The following MT1F variants were observed in gnomAD, a reference collection of about 807,000 sequenced individuals.
MT1F encodes the protein metallothionein-1F.
In MT1F, 6 loss-of-function variants were observed where a neutral mutation model predicts 5.4. The ratio of observed to expected loss-of-function variants is 1.11; its 90% CI spans 0.61 to 2.19. The LOEUF (loss-of-function observed/expected upper bound fraction) is 2.19, where lower values mean the gene tolerates loss of function less well. MT1F is among the 30% of genes most tolerant of loss of function. The pLI is 0.00. For missense variants in MT1F, 82 were observed against 77.0 expected (o/e 1.07, Z -0.24); for synonymous variants, 28 against 28.3 (o/e 0.99, Z 0.04).
chr16:56,658,644 G>A (rs774921781), intron 1 of MT1F, 31 bp from the exon 2 acceptor site: 23 of 1,613,010 alleles, frequency 1.4e-5, no homozygotes, highest in South Asian at 4.4e-5. Context: ...GTCACTCGCC[G>A]CTCACTGGCT....
In MT1F at chr16:56,658,079, C is replaced by A. The variant is rs1216814062; in HGVS notation, c.21C>A (p.Cys7Ter). MDPNCS[C>*]AAGVSCTCAG... ...TTGCAATGGACCCCAACTGCTCCTG[C>A]GCCGCTGGTAAGGAACGCCGGGTTC... is the stretch of plus-strand genomic sequence containing the variant. The change falls in exon 1 of 3, where the codon TGC (cysteine) becomes TGA (stop). Residue 7 changes from cysteine (C) to a stop codon, truncating the protein, a stop_gained. Transcript: ENST00000334350. LOFTEE classifies it high-confidence loss of function. 1.2e-6 allele frequency: 2 copies of A among 1,614,130 alleles called. No individual in the cohort carries two copies. Among genetic ancestry groups the A allele is most frequent in the South Asian group, 1.1e-5 (1 of 91,088 alleles).
rs1180153888 is a variant in MT1F, at chr16:56,658,095, C to T, written c.28+9C>T. On this transcript the variant is annotated intron_variant, in intron 1 of 2. Transcript: ENST00000334350. ...CTGCTCCTGCGCCGCTGGTAAGGAA[C>T]GCCGGGTTCCGTGCCTGGGGATGCT... The T allele has an allele frequency of 1.2e-6, 2 of 1,614,036 alleles. No individual in the cohort carries two copies. The highest frequency in any genetic ancestry group is 2.7e-5 in the African/African-American group (2 of 75,044).
At position 56,658,090 on chromosome 16, in the gene MT1F, A is replaced by G; in HGVS notation, c.28+4A>G. 2.5e-6 allele frequency: 4 copies of G among 1,614,080 alleles called. No homozygotes were observed. The highest frequency in any genetic ancestry group is 3.4e-6 in the Non-Finnish European group (4 of 1,179,958). On this transcript the variant is annotated splice_donor_region_variant and intron_variant, in intron 1 of 2. Transcript: ENST00000334350. Reference sequence around the variant, plus strand: ...CCCAACTGCTCCTGCGCCGCTGGTAAGGAACGCCGGGTTCCGTGCCTGGGG... The same window carrying G: ...CCCAACTGCTCCTGCGCCGCTGGTAGGGAACGCCGGGTTCCGTGCCTGGGG...
At position 56,658,661 on chromosome 16, in the gene MT1F, T is replaced by C. The variant is rs767868010; in HGVS notation, c.29-14T>C. The C allele has an allele frequency of 2.5e-6, 4 of 1,613,996 alleles. No homozygotes were observed. In the African/African-American group the frequency reaches 4.0e-5, roughly 16 times the overall value. On this transcript the variant is annotated splice_polypyrimidine_tract_variant and intron_variant, in intron 1 of 2. Transcript: ENST00000334350. ...CACTCGCCGCTCACTGGCTTTTTTT[T>C]CTCTTTCTCGCAGGTGTCTCCTGCA...
rs1255840005 is a variant in MT1F, at chr16:56,657,989, C to G, written c.-70C>G. 6.5e-7 allele frequency: 1 copy of G among 1,545,188 alleles called. No homozygotes were observed. Among genetic ancestry groups the G allele is most frequent in the African/African-American group, 1.4e-5 (1 of 73,194 alleles). ...AGCAGCGGCCGGCTGTTGGGGTCCA[C>G]CACGCCTTCCACCTGCCCCACTGCT... On this transcript the variant is annotated 5_prime_UTR_variant, in exon 1 of 3. Coordinates refer to ENST00000334350, the MANE Select transcript of MT1F (RefSeq NM_005949.4).
At chr16:56,658,252 C>A in intron 1 of MT1F, 166 bp downstream of exon 1, 1 of 713,800 alleles carries the variant, frequency 1.4e-6, no homozygotes, top group Non-Finnish European at 2.4e-6. Context: ...TTTCCTTCCT[C>A]TCTGTGCCTC....
intron 1 of MT1F, 120 bp downstream of exon 1, chr16:56,658,206 T>C (rs1960645368): frequency 9.1e-7 from 1 of 1,099,236 alleles, no homozygotes; most frequent in Non-Finnish European, 1.3e-6. Flanking sequence ...CTTGACTTAG[T>C]CCAGTGCTTT....
At position 56,659,210 on chromosome 16, in the gene MT1F, A is replaced by C. The variant is rs757378955; in HGVS notation, c.*46A>C. The C allele has an allele frequency of 1.9e-6, 3 of 1,595,222 alleles. No homozygotes were observed. The South Asian group carries it at 3.4e-5, about 18-fold the overall frequency. The stretch of plus-strand genomic sequence containing the variant: ...CAGATGTAAACAGAGAGACATGTAC[A>C]AACCTGGATTTTTTTTTTATACCAC... On this transcript the variant is annotated 3_prime_UTR_variant, in exon 3 of 3. Coordinates refer to ENST00000334350, the MANE Select transcript of MT1F (RefSeq NM_005949.4).
chr16:56,658,068 A>C lies in MT1F; in HGVS notation c.10A>C (p.Asn4His), dbSNP rs1960643445. ...CTCTCCTCGGCTTGCAATGGACCCC[A>C]ACTGCTCCTGCGCCGCTGGTAAGGA... MDP[N>H]CSCAAGVSCT... Residue 4 changes from asparagine (N) to histidine (H), a missense_variant, in exon 1 of 3, where the codon AAC (asparagine) becomes CAC (histidine). Physicochemically the swap from Asn to His is moderately conservative, Grantham distance 68 (BLOSUM62 1). Coordinates refer to ENST00000334350, the MANE Select transcript of MT1F (RefSeq NM_005949.4). 2 of 1,614,110 alleles carry C rather than the reference A, an allele frequency of 1.2e-6. No homozygotes were observed. Among genetic ancestry groups the C allele is most frequent in the Non-Finnish European group, 1.7e-6 (2 of 1,179,980 alleles).
rs1244225733 is a variant in MT1F at position 56,659,082 on chromosome 16, C to G, written c.104C>G (p.Ser35Cys). 6 of 1,613,822 alleles carry G rather than the reference C, an allele frequency of 3.7e-6. No homozygotes were observed. The highest frequency in any genetic ancestry group is 5.1e-6 in the Non-Finnish European group (6 of 1,179,968). The change falls in exon 3 of 3, where the codon TCC becomes TGC. Residue 35 changes from serine to cysteine, a missense_variant. Transcript: ENST00000334350. ...TCCTCTTCTTCCCCAGGCTGCTGCT[C>G]CTGCTGCCCCGTGGGCTGTAGCAAG... ...KCTSCKKSCCSCCPVGCSKCA... is the reference protein window; with the variant it reads ...KCTSCKKSCCCCCPVGCSKCA...
Position 56,658,074 on chromosome 16 carries a change from T to C in MT1F, c.16T>C (p.Ser6Pro). MDPNCSCAAGVSCTCA... is the reference protein window; with the variant it reads MDPNCPCAAGVSCTCA... ...TCGGCTTGCAATGGACCCCAACTGC[T>C]CCTGCGCCGCTGGTAAGGAACGCCG... Residue 6 changes from serine (S) to proline (P), a missense_variant, in exon 1 of 3, where the codon TCC becomes CCC. Ser to Pro is a moderately conservative substitution (Grantham distance 74). Transcript: ENST00000334350. The C allele has an allele frequency of 6.2e-7, 1 of 1,614,124 alleles. No individual in the cohort carries two copies. Among genetic ancestry groups the C allele is most frequent in the Non-Finnish European group, 8.5e-7 (1 of 1,179,982 alleles).
At position 56,659,230 on chromosome 16, in the gene MT1F, T is replaced by A. The variant is rs554411742; in HGVS notation, c.*66T>A. ...TGTACAAACCTGGATTTTTTTTTTA[T>A]ACCACCTTGACCCATTTGCTACATT... On this transcript the variant is annotated 3_prime_UTR_variant, in exon 3 of 3. Transcript: ENST00000334350. 33 of 1,468,176 alleles carry A rather than the reference T, an allele frequency of 2.2e-5. No homozygotes were observed. The South Asian group carries it at 3.8e-4, about 17-fold the overall frequency. The allele number at this position is 1,468,176 out of a possible 1,614,324, so 90.9% of individuals were successfully genotyped here. A position where few individuals can be genotyped will look rare whatever the true frequency, so the allele number is the denominator to read the frequency against.
chr16:56,659,170 G>A lies in MT1F; in HGVS notation c.*6G>A. 2 of 1,613,892 alleles carry A rather than the reference G, an allele frequency of 1.2e-6. No individual in the cohort carries two copies. Among genetic ancestry groups the A allele is most frequent in the Non-Finnish European group, 1.7e-6 (2 of 1,179,836 alleles). The stretch of plus-strand genomic sequence containing the variant: ...AGTGCAGCTGCTGCGACTGATGCCA[G>A]GACAACCTTTCTCCCAGATGTAAAC... On this transcript the variant is annotated 3_prime_UTR_variant, in exon 3 of 3. Transcript: ENST00000334350.
chr16:56,658,877 T>G, intron 2 of MT1F, 137 bp downstream of exon 2: 1 of 1,255,718 alleles, frequency 8.0e-7, no homozygotes, highest in Non-Finnish European at 1.2e-6. Context: ...TCTAGTCTTC[T>G]GCCCTGTGCA....
rs890490053 is a variant in MT1F, at chr16:56,657,993, G to T, written c.-66G>T. The stretch of plus-strand genomic sequence containing the variant: ...GCGGCCGGCTGTTGGGGTCCACCAC[G>T]CCTTCCACCTGCCCCACTGCTTCTT... On this transcript the variant is annotated 5_prime_UTR_variant, in exon 1 of 3. Transcript: ENST00000334350. 5.8e-6 allele frequency: 9 copies of T among 1,556,216 alleles called. No homozygotes were observed. The African/African-American group carries it at 1.1e-4, about 19-fold the overall frequency.
In MT1F at chr16:56,659,176, C is replaced by T. The variant is rs1416883985; in HGVS notation, c.*12C>T. On this transcript the variant is annotated 3_prime_UTR_variant, in exon 3 of 3. Transcript: ENST00000334350. ...GCTGCTGCGACTGATGCCAGGACAA[C>T]CTTTCTCCCAGATGTAAACAGAGAG... 6.2e-7 allele frequency: 1 copy of T among 1,613,752 alleles called. No homozygotes were observed. Among genetic ancestry groups the T allele is most frequent in the East Asian group, 2.2e-5 (1 of 44,874 alleles).
intron 1 of MT1F, 125 bp from the exon 2 acceptor site, chr16:56,658,550 A>G (rs1960649350): frequency 4.2e-6 from 4 of 948,588 alleles, no homozygotes; most frequent in Non-Finnish European, 4.9e-6. Context: ...CTCTGCTCTG[A>G]GTGGGAAAGG....
At chr16:56,658,169 T>G in intron 1 of MT1F, 83 bp downstream of exon 1, 2 of 1,511,452 alleles carry the variant, frequency 1.3e-6, no homozygotes, top group African/African-American at 1.4e-5. Context: ...GAAGGTCGTA[T>G]TTTGAGATCT....
intron 2 of MT1F, 38 bp from the exon 3 acceptor site, chr16:56,659,035 A>T (rs1567351184): frequency 6.3e-7 from 1 of 1,583,322 alleles, no homozygotes; most frequent in Non-Finnish European, 8.7e-7. Flanking sequence ...TCCCTGGGCA[A>T]GTTGGCTGTG....
Sources: gnomAD v4.1 joint callset for allele counts on GRCh38, gnomAD v4.1.1 for gene constraint, MANE v1.5 for transcripts, NCBI Gene and HGNC (gene_info 2026-07-23, HGNC 2026-07-21) for gene names.